TRDMT1: variants seen among roughly 807,000 people sequenced by gnomAD.
TRDMT1 encodes tRNA (cytosine(38)-C(5))-methyltransferase.
A neutral mutation model predicts 51.2 loss-of-function variants in TRDMT1; 49 were observed. That is an observed-to-expected ratio of 0.96 (90% confidence interval 0.76 to 1.21). TRDMT1 has a LOEUF of 1.21. Among genes scored for constraint, TRDMT1 ranks in the 50% most tolerant of loss-of-function variants. The probability of loss-of-function intolerance (pLI) is 0.00; values close to 1 mark genes in which losing one functional copy is unlikely to be tolerated. For synonymous variants in TRDMT1, 187 were observed against 164.6 expected (o/e 1.14, Z -1.04); for missense variants, 534 against 462.3 (o/e 1.16, Z -1.42).
intron 2 of TRDMT1, chr10:17,169,419 T>G: frequency 3.1e-6 from 4 of 1,288,264 alleles, no homozygotes; most frequent in African/African-American, 1.5e-5. Context: ...CATTCTCAGA[T>G]ATCCACAATT....
chr10:17,154,584 T>C, intron 9 of TRDMT1, 93 bp downstream of exon 9: 2 of 811,468 alleles, frequency 2.5e-6, no homozygotes, highest in Non-Finnish European at 3.6e-6. Context: ...TCATGGCCAG[T>C]TGAATGCATA....
At chr10:17,164,151 A>G (rs1298929165) in intron 3 of TRDMT1, among the ~76,000 whole-genome samples, 2 of 152,326 alleles carry the variant, frequency 1.3e-5, no homozygotes, top group African/African-American at 4.8e-5. Flanking sequence ...CCAGCAGCAC[A>G]TCAAAAAGCT....
rs1838219994 is a variant in TRDMT1 at position 17,147,468 on chromosome 10, A to C, written c.*1572T>G. On this transcript the variant is annotated 3_prime_UTR_variant, in exon 11 of 11. Transcript: ENST00000377799. Reference sequence around the variant, plus strand: ...AGTTGCAGTGGCATTAAGTACACTCACACTGTTGTGCAACCATCCTCCCCA... The same window carrying C: ...AGTTGCAGTGGCATTAAGTACACTCCCACTGTTGTGCAACCATCCTCCCCA... 5 of 542,494 alleles carry C rather than the reference A, an allele frequency of 9.2e-6. No individual in the cohort carries two copies. The highest frequency in any genetic ancestry group is 2.1e-5 in the African/African-American group (1 of 48,644). 33.6% of individuals were successfully genotyped at this position (542,494 alleles called of 1,614,324 possible).
At position 17,144,667 on chromosome 10, in the gene TRDMT1, T is replaced by C; in HGVS notation, c.*4373A>G. 4 of 985,310 alleles carry C rather than the reference T, an allele frequency of 4.1e-6. No individual in the cohort carries two copies. The highest frequency in any genetic ancestry group is 3.6e-6 in the Non-Finnish European group (3 of 829,888). The allele number at this position is 985,310 out of a possible 1,614,324, so 61.0% of individuals were successfully genotyped here. On this transcript the variant is annotated 3_prime_UTR_variant, in exon 11 of 11. Coordinates refer to ENST00000377799, the MANE Select transcript of TRDMT1 (RefSeq NM_004412.7). ...TTGAACAAATATATTTAAAAAGAAA[T>C]AAATTCACAAGCTAAGACATGAATG...
chr10:17,147,283 T>C lies in TRDMT1; in HGVS notation c.*1757A>G, dbSNP rs1289146343. On this transcript the variant is annotated 3_prime_UTR_variant, in exon 11 of 11. Transcript: ENST00000377799. ...GCTCTGTCTGAACACATATGAAAAATGTAGATAGTGATAGTTTCTGTATAT... is the reference window on the plus strand; with the variant it reads ...GCTCTGTCTGAACACATATGAAAAACGTAGATAGTGATAGTTTCTGTATAT... The C allele has an allele frequency of 2.0e-6, 2 of 985,560 alleles. No individual in the cohort carries two copies. The highest frequency in any genetic ancestry group is 6.2e-5 in the Admixed American group (1 of 16,258). The allele number at this position is 985,560 out of a possible 1,614,324, so 61.1% of individuals were successfully genotyped here.
At chr10:17,158,951 T>C (rs1441140044) in intron 7 of TRDMT1, among the ~76,000 whole-genome samples, 195 bp downstream of exon 7, 1 of 152,174 alleles carries the variant, frequency 6.6e-6, no homozygotes, top group Non-Finnish European at 1.5e-5. Flanking sequence ...GTTTTGTTTT[T>C]GTTTTGTTTT....
intron 1 of TRDMT1, among the ~76,000 whole-genome samples, chr10:17,194,503 T>G (rs904041924): frequency 2.6e-5 from 4 of 151,934 alleles, no homozygotes; most frequent in African/African-American, 9.7e-5. Context: ...GCAAAGGACA[T>G]GAACAGATAC....
intron 1 of TRDMT1, among the ~76,000 whole-genome samples, chr10:17,183,931 T>C (rs1291444690): frequency 6.6e-6 from 1 of 152,190 alleles, no homozygotes. Context: ...CAATTATAAC[T>C]CATTATAATT....
chr10:17,154,756 T>C, intron 8 of TRDMT1, 22 bp from the exon 9 acceptor site: 1 of 1,593,378 alleles, frequency 6.3e-7, no homozygotes, highest in Non-Finnish European at 8.5e-7. Context: ...ACACAACAAT[T>C]ATGCAGCACC....
At chr10:17,198,944 GAAC>G (rs747037438) in intron 1 of TRDMT1, among the ~76,000 whole-genome samples, 8 of 152,106 alleles carry the variant, frequency 5.3e-5, no homozygotes, top group Non-Finnish European at 1.0e-4. Flanking sequence ...GTTCTAACCA[GAAC>G]AACGGCAACA....
In TRDMT1 at chr10:17,139,220, G is replaced by A. The variant is rs1043910976; in HGVS notation, c.*9820C>T. 2.0e-6 allele frequency: 2 copies of A among 985,192 alleles called. No individual in the cohort carries two copies. The highest frequency in any genetic ancestry group is 3.5e-5 in the African/African-American group (2 of 57,204). 61.0% of individuals were successfully genotyped at this position (985,192 alleles called of 1,614,324 possible). On this transcript the variant is annotated 3_prime_UTR_variant, in exon 11 of 11. Transcript: ENST00000377799. ...AATCAACCTAAAAAGGACAAAATGA[G>A]TTTTCTACTTGGTGACCCCTAAAAT... is the stretch of plus-strand genomic sequence containing the variant.
chr10:17,165,538 G>C (rs1841072528), intron 3 of TRDMT1, among the ~76,000 whole-genome samples: 1 of 152,142 alleles, frequency 6.6e-6, no homozygotes. Context: ...TTAAACTAAA[G>C]AGCTTCTGCA....
At chr10:17,165,848 A>G (rs1167371734) in intron 3 of TRDMT1, among the ~76,000 whole-genome samples, 15 of 152,164 alleles carry the variant, frequency 9.9e-5, no homozygotes, top group Non-Finnish European at 1.6e-4. Flanking sequence ...TTAGAATGGC[A>G]ATCATTAAAA....
At position 17,148,994 on chromosome 10, in the gene TRDMT1, A is replaced by G; in HGVS notation, c.*46T>C. The G allele has an allele frequency of 1.3e-6, 2 of 1,516,710 alleles. No individual in the cohort carries two copies. Among genetic ancestry groups the G allele is most frequent in the Non-Finnish European group, 1.8e-6 (2 of 1,128,906 alleles). The allele number at this position is 1,516,710 out of a possible 1,614,324, so 94.0% of individuals were successfully genotyped here. ...AACAGAATTTCAGAATTACTCTCTG[A>G]AAATGAAGGAATATCATATGACCAT... On this transcript the variant is annotated 3_prime_UTR_variant, in exon 11 of 11. Coordinates refer to ENST00000377799, the MANE Select transcript of TRDMT1 (RefSeq NM_004412.7).
rs1211398250 is a variant in TRDMT1, at chr10:17,140,306, G to A, written c.*8734C>T. 1.3e-5 allele frequency among the ~76,000 whole-genome samples: 2 copies of A among 148,894 alleles called. No homozygotes were observed. The highest frequency in any genetic ancestry group is 1.4e-4 in the Admixed American group (2 of 14,802). On this transcript the variant is annotated 3_prime_UTR_variant, in exon 11 of 11. Coordinates refer to ENST00000377799, the MANE Select transcript of TRDMT1 (RefSeq NM_004412.7). Reference sequence around the variant, plus strand: ...CCTGACCTCATGGTCCGTTCACTTCGACCTCCCAAAGTGCTGGGATTACAG... The same window carrying A: ...CCTGACCTCATGGTCCGTTCACTTCAACCTCCCAAAGTGCTGGGATTACAG...
chr10:17,149,128 T>G lies in TRDMT1; in HGVS notation c.1088A>C (p.Lys363Thr). Residue 363 changes from lysine (K) to threonine (T), a missense_variant, in exon 11 of 11, where the codon AAG (lysine) becomes ACG (threonine). Lys to Thr is a moderately conservative substitution (Grantham distance 78). Coordinates refer to ENST00000377799, the MANE Select transcript of TRDMT1 (RefSeq NM_004412.7). Reference protein sequence around the residue: ...GFPPEFGFPEKITVKQRYRLL... With the variant: ...GFPPEFGFPETITVKQRYRLL... ...GCGATAACGCTGTTTCACTGTTATC[T>G]TCTCAGGAAATCCTAAAAAGACAAA... The G allele has an allele frequency of 6.2e-7, 1 of 1,608,846 alleles. No individual in the cohort carries two copies. Among genetic ancestry groups the G allele is most frequent in the Non-Finnish European group, 8.5e-7 (1 of 1,177,340 alleles).
At chr10:17,156,420 A>G (rs1261094964) in intron 8 of TRDMT1, among the ~76,000 whole-genome samples, 1 of 152,018 alleles carries the variant, frequency 6.6e-6, no homozygotes, top group Non-Finnish European at 1.5e-5. Context: ...GTCTTCGTAC[A>G]GACAGGGTTT....
At chr10:17,180,703 G>A (rs893603469) in intron 1 of TRDMT1, among the ~76,000 whole-genome samples, 3 of 152,112 alleles carry the variant, frequency 2.0e-5, no homozygotes, top group Non-Finnish European at 2.9e-5. Flanking sequence ...CTGCACCTTA[G>A]GTGAAATAGT....
At chr10:17,199,464 G>C (rs1006127128) in intron 1 of TRDMT1, among the ~76,000 whole-genome samples, 4 of 152,232 alleles carry the variant, frequency 2.6e-5, no homozygotes, top group African/African-American at 9.6e-5. Context: ...TCGAGGGTTT[G>C]AGGAGTAGAG....
Sources: gnomAD v4.1 joint callset for allele counts (sites outside exome capture counted in the v4.1 genomes callset) on GRCh38, gnomAD v4.1.1 for gene constraint, MANE v1.5 for transcripts, NCBI Gene and HGNC (gene_info 2026-07-23, HGNC 2026-07-21) for gene names.